Variants in EPHB6 observed in about 807,000 individuals in gnomAD.
EPHB6 encodes EPH receptor B6, also known as ephrin type-B receptor 6.
In EPHB6, 51 loss-of-function variants were observed where a neutral mutation model predicts 107.0. The ratio of observed to expected loss-of-function variants is 0.48; its 90% CI spans 0.38 to 0.60. EPHB6 has a LOEUF of 0.60. EPHB6 is among the 20% of genes least tolerant of loss of function. The probability of loss-of-function intolerance (pLI) is 0.00; values close to 1 mark genes in which losing one functional copy is unlikely to be tolerated. For synonymous variants in EPHB6, 553 were observed against 549.0 expected (o/e 1.01, Z -0.10); for missense variants, 1,141 against 1,355.5 (o/e 0.84, Z 2.48).
At chr7:142,862,304 A>T (rs1399108146) in intron 3 of EPHB6, among the ~76,000 whole-genome samples, 171 bp downstream of exon 3, 1 of 152,200 alleles carries the variant, frequency 6.6e-6, no homozygotes, top group East Asian at 1.9e-4. Flanking sequence ...TATTCCTTCT[A>T]TAACAAATGG....
At chr7:142,863,382 G>T in intron 5 of EPHB6, 55 bp downstream of exon 5, 2 of 1,527,006 alleles carry the variant, frequency 1.3e-6, no homozygotes, top group Admixed American at 1.7e-5. Context: ...CCCAGTGAAA[G>T]GGGGAAGTGG....
At position 142,867,460 on chromosome 7, in the gene EPHB6, GT is replaced by G; in HGVS notation, c.1751-146del. On this transcript the variant is annotated intron_variant, in intron 11 of 19. Coordinates refer to ENST00000652003, the MANE Select transcript of EPHB6 (RefSeq NM_004445.6). This position sits in a 1 kb window ranked among gnomAD's most constrained non-coding sequence, Gnocchi z 5.3. ...GGGAGGGCTGTGGGCGTGTGTGTGT[GT>G]TGTGTGTCCCTGTGCATGGATGTGG... 1 of 716,978 alleles carries G rather than the reference GT, an allele frequency of 1.4e-6. No homozygotes were observed. The allele number at this position is 716,978 out of a possible 1,614,324, so 44.4% of individuals were successfully genotyped here.
Position 142,869,253 on chromosome 7 carries a change from T to C in EPHB6, c.2460+106T>C. On this transcript the variant is annotated intron_variant, in intron 16 of 19. Transcript: ENST00000652003. This position sits in a 1 kb window ranked among gnomAD's most constrained non-coding sequence, Gnocchi z 4.5. ...TCTGGGGTAGGTACCTCAGCCGGGG[T>C]GTCATAGTCCCTGAAAGGAGGGAGG... 7.6e-7 allele frequency: 1 copy of C among 1,312,702 alleles called. No individual in the cohort carries two copies. Among genetic ancestry groups the C allele is most frequent in the East Asian group, 2.4e-5 (1 of 42,516 alleles). The allele number at this position is 1,312,702 out of a possible 1,614,324, so 81.3% of individuals were successfully genotyped here.
rs1032644296 is a variant in EPHB6 at position 142,869,286 on chromosome 7, G to T, written c.2460+139G>T. 1 of 972,292 alleles carries T rather than the reference G, an allele frequency of 1.0e-6. No homozygotes were observed. The highest frequency in any genetic ancestry group is 2.3e-5 in the Admixed American group (1 of 42,580). 60.2% of individuals were successfully genotyped at this position (972,292 alleles called of 1,614,324 possible). On this transcript the variant is annotated intron_variant, in intron 16 of 19. Coordinates refer to ENST00000652003, the MANE Select transcript of EPHB6 (RefSeq NM_004445.6). This position sits in a 1 kb window ranked among gnomAD's most constrained non-coding sequence, Gnocchi z 4.5. ...TCCCTGAAAGGAGGGAGGCTCTCCT[G>T]TGTGATGGGGAGATGAAAGCCTAGG... is the stretch of plus-strand genomic sequence containing the variant.
At position 142,865,574 on chromosome 7, in the gene EPHB6, C is replaced by T; in HGVS notation, c.1049C>T (p.Pro350Leu). The change falls in exon 8 of 20, where the codon CCC (proline) becomes CTC (leucine). Residue 350 changes from proline to leucine, a missense_variant. Physicochemically the swap from Pro to Leu is moderately conservative, Grantham distance 98. Around this residue, in one of 3 missense-constraint regions of EPHB6, gnomAD observed 304 missense variants for 295.7 expected, o/e 1.03. Coordinates refer to ENST00000652003, the MANE Select transcript of EPHB6 (RefSeq NM_004445.6). ...CCCAACCCAGCAGCCCCCGTTTGCC[C>T]CTGCCTGGAGGGCTTCTACCGGGCC... ...HAPNPAAPVC[P>L]CLEGFYRASS... 6.2e-7 allele frequency: 1 copy of T among 1,613,812 alleles called. No homozygotes were observed. Among genetic ancestry groups the T allele is most frequent in the Non-Finnish European group, 8.5e-7 (1 of 1,180,000 alleles).
rs2116427965 is a variant in EPHB6, at chr7:142,864,671, G to A, written c.871G>A (p.Gly291Ser). 1 of 1,612,966 alleles carries A rather than the reference G, an allele frequency of 6.2e-7. No individual in the cohort carries two copies. The highest frequency in any genetic ancestry group is 8.5e-7 in the Non-Finnish European group (1 of 1,179,982). The change falls in exon 7 of 20, where the codon GGC (glycine) becomes AGC (serine). Residue 291 changes from glycine to serine, a missense_variant. Transcript: ENST00000652003. ...CCCCAGGCTGCACTGCAACGGGGAGGGCAAGTGGATGGTAGCTGTCGGGGG... is the reference window on the plus strand; with the variant it reads ...CCCCAGGCTGCACTGCAACGGGGAGAGCAAGTGGATGGTAGCTGTCGGGGG... ...SPPRLHCNGE[G>S]KWMVAVGGCR...
intron 1 of EPHB6, among the ~76,000 whole-genome samples, chr7:142,856,252 G>C (rs1802608514): frequency 6.6e-6 from 1 of 152,232 alleles, no homozygotes; most frequent in South Asian, 2.1e-4. Context: ...GGGGCTGTTA[G>C]TAGACCACAG....
Position 142,868,240 on chromosome 7 carries a change from G to A in EPHB6, c.1919-1G>A. On this transcript the variant is annotated splice_acceptor_variant, in intron 13 of 19. Coordinates refer to ENST00000652003, the MANE Select transcript of EPHB6 (RefSeq NM_004445.6). LOFTEE classifies it high-confidence loss of function. The surrounding 1 kb of genome is among the most constrained non-coding windows in gnomAD (Gnocchi z 4.2). ...TCATAACATACTCCACACCCCTCCA[G>A]GACTCGGGGTGAAGTATTACATCGA... 6.2e-7 allele frequency: 1 copy of A among 1,614,126 alleles called. No individual in the cohort carries two copies. Among genetic ancestry groups the A allele is most frequent in the Non-Finnish European group, 8.5e-7 (1 of 1,180,004 alleles).
In EPHB6 at chr7:142,864,425, G is replaced by A. The variant is rs768967254; in HGVS notation, c.625G>A (p.Gly209Ser). 1.9e-6 allele frequency: 3 copies of A among 1,612,140 alleles called. No individual in the cohort carries two copies. The highest frequency in any genetic ancestry group is 8.5e-7 in the Non-Finnish European group (1 of 1,179,166). Residue 209 changes from glycine (G) to serine (S), a missense_variant, in exon 7 of 20, where the codon GGC becomes AGC. This residue lies in a region of EPHB6 where 221 missense variants were observed against 300.5 expected (regional missense o/e 0.74). Transcript: ENST00000652003. ...GAGCTTTGGGCCTCTCACCCAACGCGGCTTCTACGTGGCCTTCCAGGACAC... is the reference window on the plus strand; with the variant it reads ...GAGCTTTGGGCCTCTCACCCAACGCAGCTTCTACGTGGCCTTCCAGGACAC... ...ERSFGPLTQR[G>S]FYVAFQDTGA... is the part of the protein sequence containing the mutation.
At position 142,867,966 on chromosome 7, in the gene EPHB6, C is replaced by T. The variant is rs576088629; in HGVS notation, c.1866-31C>T. 28 of 1,557,158 alleles carry T rather than the reference C, an allele frequency of 1.8e-5. No individual in the cohort carries two copies. The East Asian group carries it at 2.2e-4, about 12-fold the overall frequency. ...GGCAGCAAGGGGGTGGAAATGGGAG[C>T]GTCATCCCCAGTCACCGTTTTGTTC... On this transcript the variant is annotated intron_variant, in intron 12 of 19. Coordinates refer to ENST00000652003, the MANE Select transcript of EPHB6 (RefSeq NM_004445.6). This position sits in a 1 kb window ranked among gnomAD's most constrained non-coding sequence, Gnocchi z 5.3.
chr7:142,864,096 G>A lies in EPHB6; in HGVS notation c.296G>A (p.Gly99Glu), dbSNP rs2116415849. 1 of 1,613,990 alleles carries A rather than the reference G, an allele frequency of 6.2e-7. No individual in the cohort carries two copies. Residue 99 changes from glycine (G) to glutamate (E), a missense_variant, in exon 7 of 20, where the codon GGG becomes GAG. Gly to Glu is a moderately conservative substitution (Grantham distance 98, BLOSUM62 -2). Coordinates refer to ENST00000652003, the MANE Select transcript of EPHB6 (RefSeq NM_004445.6). Reference sequence around the variant, plus strand: ...CAGACACACTTTGTGGAGCGGCGCGGGGCCCAGAGGGCGCACATTCGACTC... The same window carrying A: ...CAGACACACTTTGTGGAGCGGCGCGAGGCCCAGAGGGCGCACATTCGACTC... ...WLQTHFVERR[G>E]AQRAHIRLHF...
chr7:142,868,536 C>T lies in EPHB6; in HGVS notation c.2083C>T (p.Arg695Trp), dbSNP rs56021232. Residue 695 changes from arginine (R) to tryptophan (W), a missense_variant, in exon 15 of 20, where the codon CGG (arginine) becomes TGG (tryptophan). Physicochemically the swap from Arg to Trp is moderately radical, Grantham distance 101 (BLOSUM62 -3). Transcript: ENST00000652003. The surrounding 1 kb of genome is among the most constrained non-coding windows in gnomAD (Gnocchi z 4.2). The part of the protein sequence containing the change: ...VRQGRLQPRG[R>W]REQTVAIQAL... ...CCAGGGCCGCCTGCAGCCACGGGGA[C>T]GGAGGGAGCAGACTGTGGCCATCCA... The T allele has an allele frequency of 1.5e-5, 24 of 1,613,618 alleles. No individual in the cohort carries two copies. Among genetic ancestry groups the T allele is most frequent in the South Asian group, 4.4e-5 (4 of 91,088 alleles).
chr7:142,863,652 G>C lies in EPHB6; in HGVS notation c.122G>C (p.Gly41Ala). 6.2e-7 allele frequency: 1 copy of C among 1,613,918 alleles called. No individual in the cohort carries two copies. The highest frequency in any genetic ancestry group is 8.5e-7 in the Non-Finnish European group (1 of 1,180,002). Residue 41 changes from glycine to alanine, a missense_variant, in exon 6 of 20, where the codon GGA becomes GCA. This residue lies in a region of EPHB6 where 221 missense variants were observed against 300.5 expected (regional missense o/e 0.74). Transcript: ENST00000652003. Reference sequence around the variant, plus strand: ...GCAGAGGTATTGCTGGACACCACCGGAGAGACATCTGAGATTGGCTGGCTC... The same window carrying C: ...GCAGAGGTATTGCTGGACACCACCGCAGAGACATCTGAGATTGGCTGGCTC... ...ALEEVLLDTT[G>A]ETSEIGWLTY...
intron 18 of EPHB6, 22 bp downstream of exon 18, chr7:142,870,429 C>T (rs774486847): frequency 1.2e-6 from 2 of 1,613,842 alleles, no homozygotes; most frequent in Non-Finnish European, 1.7e-6. Flanking sequence ...GGGGCTAGAG[C>T]CTGGGAAAGC....
At chr7:142,858,826 G>A (rs6956961) in intron 1 of EPHB6, among the ~76,000 whole-genome samples, 1 of 152,002 alleles carries the variant, frequency 6.6e-6, no homozygotes, top group Non-Finnish European at 1.5e-5. Context: ...TGATACCTAA[G>A]AAACAGTCTT....
In EPHB6 at chr7:142,857,772, C is replaced by T. The variant is rs963391463; in HGVS notation, c.-432+2387C>T. Among the ~76,000 whole-genome samples the T allele has an allele frequency of 4.5e-4, 68 of 152,220 alleles. 1 individual carries two copies. The highest frequency in any genetic ancestry group is 4.3e-3 in the Admixed American group (66 of 15,286). On this transcript the variant is annotated intron_variant, in intron 1 of 19. Coordinates refer to ENST00000652003, the MANE Select transcript of EPHB6 (RefSeq NM_004445.6). ...CCCTCTGTCCCTTCATAGCCTCATC[C>T]CTTTGCTTGACATCGTCGAAGAGAA...
chr7:142,868,589 C>G lies in EPHB6; in HGVS notation c.2136C>G (p.Ser712Arg), dbSNP rs545869991. ...IQALWAGGAESLQMTFLGRAA... is the reference protein window; with the variant it reads ...IQALWAGGAERLQMTFLGRAA... ...CCCTGTGGGCCGGGGGCGCCGAAAG[C>G]CTGCAGATGACCTTCCTGGGCCGGG... is the stretch of plus-strand genomic sequence containing the variant. The change falls in exon 15 of 20, where the codon AGC becomes AGG. Residue 712 changes from serine (S) to arginine (R), a missense_variant. This residue lies in a region of EPHB6 where 616 missense variants were observed against 759.3 expected (regional missense o/e 0.81). Coordinates refer to ENST00000652003, the MANE Select transcript of EPHB6 (RefSeq NM_004445.6). The surrounding 1 kb of genome is among the most constrained non-coding windows in gnomAD (Gnocchi z 4.2). The G allele has an allele frequency of 6.2e-7, 1 of 1,613,580 alleles. No individual in the cohort carries two copies. The highest frequency in any genetic ancestry group is 8.5e-7 in the Non-Finnish European group (1 of 1,179,962).
Position 142,870,512 on chromosome 7 carries a change from T to G in EPHB6, c.2805-18T>G. On this transcript the variant is annotated intron_variant, in intron 18 of 19. Transcript: ENST00000652003. ...GATGAAGAGGAGACCTTGACCCTGC[T>G]TGCCCCTCCCCTCTTAGGCCTTCCC... The G allele has an allele frequency of 6.2e-7, 1 of 1,614,142 alleles. No homozygotes were observed. Among genetic ancestry groups the G allele is most frequent in the Non-Finnish European group, 8.5e-7 (1 of 1,180,034 alleles).
rs376735026 is a variant in EPHB6 at position 142,870,702 on chromosome 7, G to A, written c.2960+17G>A. ...CAGCCTAGAGTAAGCAGGGAGTGGT[G>A]GGGTGGGGGCGAATGCTCCAGGCCC... On this transcript the variant is annotated intron_variant, in intron 19 of 19. Coordinates refer to ENST00000652003, the MANE Select transcript of EPHB6 (RefSeq NM_004445.6). 3 of 1,614,100 alleles carry A rather than the reference G, an allele frequency of 1.9e-6. No homozygotes were observed. The highest frequency in any genetic ancestry group is 2.5e-6 in the Non-Finnish European group (3 of 1,180,040).
Sources: gnomAD v4.1 joint callset for allele counts (sites outside exome capture counted in the v4.1 genomes callset) on GRCh38, gnomAD v4.1.1 for gene constraint, gnomAD v4.1.1 regional missense constraint, Gnocchi (gnomAD v3.1) non-coding constraint, MANE v1.5 for transcripts, NCBI Gene and HGNC (gene_info 2026-07-23, HGNC 2026-07-21) for gene names.